The following PNMT variants were observed in gnomAD, a reference collection of about 807,000 sequenced individuals.
PNMT encodes the protein noradrenaline N-methyltransferase.
PNMT carries 18 observed loss-of-function variants against 18.9 expected under a neutral mutation model. The ratio of observed to expected loss-of-function variants is 0.95; its 90% CI spans 0.66 to 1.41. PNMT has a LOEUF of 1.41. PNMT is among the 40% of genes most tolerant of loss of function. The pLI, the probability that PNMT is intolerant of heterozygous loss-of-function variation, is 0.00. For synonymous variants in PNMT, 167 were observed against 168.6 expected (o/e 0.99, Z 0.08); for missense variants, 378 against 387.0 (o/e 0.98, Z 0.20).
chr17:39,669,634 G>A lies in PNMT; in HGVS notation c.208G>A (p.Val70Met). The A allele has an allele frequency of 6.2e-7, 1 of 1,613,918 alleles. No individual in the cohort carries two copies. The highest frequency in any genetic ancestry group is 1.1e-5 in the South Asian group (1 of 91,078). Reference sequence around the variant, plus strand: ...TCTTCCTCTGCCCTGCCCAGGTGAAGTGTCCGGACGCACCCTCATCGACAT... The same window carrying A: ...TCTTCCTCTGCCCTGCCCAGGTGAAATGTCCGGACGCACCCTCATCGACAT... Reference protein sequence around the residue: ...CLAQTFATGEVSGRTLIDIGS... With the variant: ...CLAQTFATGEMSGRTLIDIGS... Residue 70 changes from valine (V) to methionine (M), a missense_variant, in exon 2 of 3, where the codon GTG becomes ATG. Val to Met is a conservative substitution (Grantham distance 21). Coordinates refer to ENST00000269582, the MANE Select transcript of PNMT (RefSeq NM_002686.4).
intron 1 of PNMT, among the ~76,000 whole-genome samples, chr17:39,669,005 C>T (rs752366734): frequency 6.6e-6 from 1 of 152,122 alleles, no homozygotes; most frequent in Non-Finnish European, 1.5e-5. Flanking sequence ...CCAGGATTTC[C>T]TCGCTGAGCC....
In PNMT at chr17:39,669,974, G is replaced by A. The variant is rs150323544; in HGVS notation, c.434G>A (p.Arg145His). The change falls in exon 3 of 3, where the codon CGC (arginine) becomes CAC (histidine). Residue 145 changes from arginine (R) to histidine (H), a missense_variant. Transcript: ENST00000269582. ...AGGGAATGCTGGCAGGATAAGGAGC[G>A]CCAGCTGCGAGCCAGGGTGAAACGG... ...GKGECWQDKE[R>H]QLRARVKRVL... 177 of 1,601,152 alleles carry A rather than the reference G, an allele frequency of 1.1e-4. 1 individual carries two copies. The Middle Eastern group carries it at 1.3e-3, about 12-fold the overall frequency.
Position 39,669,704 on chromosome 17 carries a change from A to C in PNMT, c.278A>C (p.His93Pro), listed in dbSNP as rs769352250. 6.2e-7 allele frequency: 1 copy of C among 1,614,088 alleles called. No homozygotes were observed. Among genetic ancestry groups the C allele is most frequent in the Non-Finnish European group, 8.5e-7 (1 of 1,179,976 alleles). The stretch of plus-strand genomic sequence containing the variant: ...TACCAGCTGCTCAGTGCCTGCAGCC[A>C]CTTTGAGGACATCACCATGACAGAT... ...TVYQLLSACS[H>P]FEDITMTDFL... is the part of the protein sequence containing the mutation. The change falls in exon 2 of 3, where the codon CAC becomes CCC. Residue 93 changes from histidine to proline, a missense_variant. His to Pro is a moderately conservative substitution (Grantham distance 77, BLOSUM62 -2). Transcript: ENST00000269582.
chr17:39,670,182 C>T lies in PNMT; in HGVS notation c.642C>T (p.Ile214=), dbSNP rs1036509375. ...LLRPGGHLLL[I]GALEESWYLA... ...GGCCTGGGGGGCACCTCCTCCTCAT[C>T]GGGGCCCTGGAGGAGTCGTGGTACC... The change falls in exon 3 of 3, where the codon ATC becomes ATT. Residue 214 remains isoleucine (I), a synonymous_variant. Transcript: ENST00000269582. 5.0e-6 allele frequency: 8 copies of T among 1,612,156 alleles called. No homozygotes were observed. Among genetic ancestry groups the T allele is most frequent in the South Asian group, 2.2e-5 (2 of 90,970 alleles).
rs778066861 is a variant in PNMT, at chr17:39,668,541, G to A, written c.66G>A (p.Ala22=). The A allele has an allele frequency of 6.5e-7, 1 of 1,548,818 alleles. No individual in the cohort carries two copies. The change falls in exon 1 of 3, where the codon GCG becomes GCA. Residue 22 remains alanine, a synonymous_variant. Coordinates refer to ENST00000269582, the MANE Select transcript of PNMT (RefSeq NM_002686.4). ...CTGACTCGGCCCCGGGCCAGGCGGC[G>A]GTGGCTTCGGCCTACCAGCGCTTCG... ...AAPDSAPGQA[A]VASAYQRFEP...
At position 39,669,765 on chromosome 17, in the gene PNMT, G is replaced by A. The variant is rs369038928; in HGVS notation, c.339G>A (p.Trp113Ter). 6.2e-7 allele frequency: 1 copy of A among 1,614,016 alleles called. No homozygotes were observed. Among genetic ancestry groups the A allele is most frequent in the African/African-American group, 1.3e-5 (1 of 74,912 alleles). The change falls in exon 2 of 3, where the codon TGG becomes TGA. Residue 113 changes from tryptophan to a stop codon, truncating the protein, a stop_gained. Transcript: ENST00000269582. LOFTEE classifies it high-confidence loss of function. ...LEVNRQELGR[W>*]LQEEPGAFNW... is the part of the protein sequence containing the mutation. ...TCAACCGCCAGGAGCTGGGGCGCTG[G>A]CTGCAGGAGGAGCCGGGGGCCTTCA... is the stretch of plus-strand genomic sequence containing the variant.
At position 39,669,779 on chromosome 17, in the gene PNMT, C is replaced by T. The variant is rs767390373; in HGVS notation, c.353C>T (p.Pro118Leu). 9.9e-6 allele frequency: 16 copies of T among 1,613,820 alleles called. No homozygotes were observed. The East Asian group carries it at 1.6e-4, about 16-fold the overall frequency. The change falls in exon 2 of 3, where the codon CCG becomes CTG. Residue 118 changes from proline to leucine, a missense_variant. Physicochemically the swap from Pro to Leu is moderately conservative, Grantham distance 98 (BLOSUM62 -3). Transcript: ENST00000269582. ...QELGRWLQEE[P>L]GAFNWSMYSQ... ...CTGGGGCGCTGGCTGCAGGAGGAGCCGGGGGCCTTCAACTGGAGCATGTAC... is the reference window on the plus strand; with the variant it reads ...CTGGGGCGCTGGCTGCAGGAGGAGCTGGGGGCCTTCAACTGGAGCATGTAC...
In PNMT at chr17:39,668,494, AGCCCCAAT is replaced by A. The variant is rs2057272383; in HGVS notation, c.22_29del (p.Pro8GlyfsTer5). ...CGGCAGCATGAGCGGCGCAGACCGT[AGCCCCAAT>A]GCGGGCGCAGCCCCTGACTCGGCCC... On this transcript the variant is annotated frameshift_variant, in exon 1 of 3. Transcript: ENST00000269582. LOFTEE classifies it high-confidence loss of function. 1.3e-6 allele frequency: 2 copies of A among 1,520,672 alleles called. No homozygotes were observed. The highest frequency in any genetic ancestry group is 1.8e-6 in the Non-Finnish European group (2 of 1,139,672). The allele number at this position is 1,520,672 out of a possible 1,614,324, so 94.2% of individuals were successfully genotyped here.
rs748960978 is a variant in PNMT, at chr17:39,669,795, G to C, written c.369G>C (p.Trp123Cys). The change falls in exon 2 of 3, where the codon TGG becomes TGC. Residue 123 changes from tryptophan (W) to cysteine (C), a missense_variant. Trp to Cys is a radical substitution (Grantham distance 215). Transcript: ENST00000269582. ...WLQEEPGAFN[W>C]SMYSQHACLI... ...AGGAGGAGCCGGGGGCCTTCAACTG[G>C]AGCATGTACAGCCAACATGCCTGCC... 3.3e-5 allele frequency: 54 copies of C among 1,613,960 alleles called. 1 individual carries two copies. In the South Asian group the frequency reaches 4.3e-4, roughly 13 times the overall value.
Position 39,670,319 on chromosome 17 carries a change from C to T in PNMT, c.779C>T (p.Ala260Val), listed in dbSNP as rs1197646477. The T allele has an allele frequency of 1.2e-6, 2 of 1,610,614 alleles. No homozygotes were observed. Among genetic ancestry groups the T allele is most frequent in the Non-Finnish European group, 1.7e-6 (2 of 1,179,318 alleles). The change falls in exon 3 of 3, where the codon GCC becomes GTC. Residue 260 changes from alanine to valine, a missense_variant. Ala to Val is a moderately conservative substitution (Grantham distance 64, BLOSUM62 0). Transcript: ENST00000269582. ...GACCTCCGCACCTATATCATGCCTG[C>T]CCACCTTCAGACAGGCGTAGATGAT... ...VRDLRTYIMPAHLQTGVDDVK... is the reference protein window; with the variant it reads ...VRDLRTYIMPVHLQTGVDDVK...
chr17:39,668,776 C>T lies in PNMT; in HGVS notation c.202+99C>T, dbSNP rs2057275288. ...GAAGGAAAGGGAGACAGACCAGGCG[C>T]CTAACAGATGGGGACCAAGAAACAA... is the stretch of plus-strand genomic sequence containing the variant. On this transcript the variant is annotated intron_variant, in intron 1 of 2. Transcript: ENST00000269582. 1.1e-5 allele frequency: 10 copies of T among 949,368 alleles called. No homozygotes were observed. The Admixed American group carries it at 2.5e-4, about 23-fold the overall frequency. 58.8% of individuals were successfully genotyped at this position (949,368 alleles called of 1,614,324 possible).
In PNMT at chr17:39,668,490, C is replaced by A. The variant is rs957688112; in HGVS notation, c.15C>A (p.Asp5Glu). Reference sequence around the variant, plus strand: ...GCGGCGGCAGCATGAGCGGCGCAGACCGTAGCCCCAATGCGGGCGCAGCCC... The same window carrying A: ...GCGGCGGCAGCATGAGCGGCGCAGAACGTAGCCCCAATGCGGGCGCAGCCC... Reference protein sequence around the residue: MSGADRSPNAGAAPD... With the variant: MSGAERSPNAGAAPD... Residue 5 changes from aspartate (D) to glutamate (E), a missense_variant, in exon 1 of 3, where the codon GAC becomes GAA. Coordinates refer to ENST00000269582, the MANE Select transcript of PNMT (RefSeq NM_002686.4). The A allele has an allele frequency of 6.6e-7, 1 of 1,518,112 alleles. No homozygotes were observed. 94.0% of individuals were successfully genotyped at this position (1,518,112 alleles called of 1,614,324 possible).
intron 1 of PNMT, 96 bp from the exon 2 acceptor site, chr17:39,669,533 A>T: frequency 1.2e-6 from 1 of 840,240 alleles, no homozygotes; most frequent in Non-Finnish European, 2.0e-6. Context: ...AGGAAGAACT[A>T]GAGAGAGGCA....
chr17:39,669,324 A>G (rs1445207076), intron 1 of PNMT, among the ~76,000 whole-genome samples: 1 of 151,718 alleles, frequency 6.6e-6, no homozygotes, highest in Non-Finnish European at 1.5e-5. Flanking sequence ...CTTAGGATCC[A>G]CCCACCCCGG....
At position 39,670,432 on chromosome 17, in the gene PNMT, C is replaced by T. The variant is rs2057290549; in HGVS notation, c.*43C>T. 6.9e-7 allele frequency: 1 copy of T among 1,454,576 alleles called. No individual in the cohort carries two copies. Among genetic ancestry groups the T allele is most frequent in the African/African-American group, 1.4e-5 (1 of 71,468 alleles). 90.1% of individuals were successfully genotyped at this position (1,454,576 alleles called of 1,614,324 possible). A position where few individuals can be genotyped will look rare whatever the true frequency, so the allele number is the denominator to read the frequency against. ...CTGTGGCCCCCACCCACCTGGATTC[C>T]CTGTTCTTTGAAGTGGCACCTAATA... On this transcript the variant is annotated 3_prime_UTR_variant, in exon 3 of 3. Transcript: ENST00000269582.
intron 1 of PNMT, among the ~76,000 whole-genome samples, chr17:39,669,001 T>C (rs2057276479): frequency 6.6e-6 from 1 of 152,144 alleles, no homozygotes; most frequent in Admixed American, 6.5e-5. Flanking sequence ...ACTGCCAGGA[T>C]TTCCTCGCTG....
Position 39,670,313 on chromosome 17 carries a change from T to C in PNMT, c.773T>C (p.Met258Thr). Residue 258 changes from methionine to threonine, a missense_variant, in exon 3 of 3, where the codon ATG becomes ACG. Met to Thr is a moderately conservative substitution (Grantham distance 81). Transcript: ENST00000269582. ...GTCCGGGACCTCCGCACCTATATCA[T>C]GCCTGCCCACCTTCAGACAGGCGTA... is the stretch of plus-strand genomic sequence containing the variant. ...YKVRDLRTYI[M>T]PAHLQTGVDD... is the part of the protein sequence containing the mutation. 6.2e-7 allele frequency: 1 copy of C among 1,610,962 alleles called. No individual in the cohort carries two copies.
Position 39,670,162 on chromosome 17 carries a change from G to C in PNMT, c.622G>C (p.Gly208Arg). The C allele has an allele frequency of 1.9e-6, 3 of 1,611,686 alleles. No individual in the cohort carries two copies. The highest frequency in any genetic ancestry group is 2.5e-6 in the Non-Finnish European group (3 of 1,179,828). The change falls in exon 3 of 3, where the codon GGG becomes CGG. Residue 208 changes from glycine (G) to arginine (R), a missense_variant. Coordinates refer to ENST00000269582, the MANE Select transcript of PNMT (RefSeq NM_002686.4). ...CCACATCACCACGCTGCTGAGGCCT[G>C]GGGGGCACCTCCTCCTCATCGGGGC... ...LDHITTLLRP[G>R]GHLLLIGALE...
chr17:39,668,688 G>T lies in PNMT; in HGVS notation c.202+11G>T, dbSNP rs764635476. ...AGACCTTCGCCACCGGTGAGCGGGG[G>T]AAACTGAGGCACGAGGGACAAGAGG... On this transcript the variant is annotated intron_variant, in intron 1 of 2. Transcript: ENST00000269582. 8 of 1,564,966 alleles carry T rather than the reference G, an allele frequency of 5.1e-6. No homozygotes were observed.
Sources: allele counts gnomAD v4.1 joint callset (sites outside exome capture counted in the v4.1 genomes callset), GRCh38; gene constraint gnomAD v4.1.1; transcripts MANE v1.5; gene names NCBI Gene and HGNC (gene_info 2026-07-23, HGNC 2026-07-21).